CDH6: variants seen among roughly 807,000 people sequenced by gnomAD.
CDH6 encodes the protein cadherin-6.
In CDH6, 31 loss-of-function variants were observed where a neutral mutation model predicts 78.0. The ratio of observed to expected loss-of-function variants is 0.40; its 90% CI spans 0.30 to 0.54. The LOEUF (loss-of-function observed/expected upper bound fraction) is 0.54, where lower values mean the gene tolerates loss of function less well. CDH6 is among the 20% of genes least tolerant of loss of function. The probability of loss-of-function intolerance (pLI) is 0.56; values close to 1 mark genes in which losing one functional copy is unlikely to be tolerated. For synonymous variants in CDH6, 376 were observed against 368.8 expected (o/e 1.02, Z -0.23); for missense variants, 724 against 975.9 (o/e 0.74, Z 3.44).
At chr5:31,292,491 C>T (rs930755265) in intron 2 of CDH6, among the ~76,000 whole-genome samples, 3 of 152,004 alleles carry the variant, frequency 2.0e-5, no homozygotes, top group African/African-American at 4.8e-5. Context: ...AATGCTTCTC[C>T]GAGCATTTTG....
At chr5:31,225,672 A>T (rs1579830289) in intron 1 of CDH6, among the ~76,000 whole-genome samples, 1 of 152,166 alleles carries the variant, frequency 6.6e-6, no homozygotes, top group African/African-American at 2.4e-5. Context: ...GAGAACAGCA[A>T]GAGGGAAGTT....
chr5:31,251,913 T>TA (rs548745838), intron 1 of CDH6: 2 of 152,304 alleles, frequency 1.3e-5, no homozygotes, highest in East Asian at 3.9e-4. Flanking sequence ...CAGAAGTTTA[T>TA]AAAAAATTCC....
At chr5:31,316,408 G>A (rs1738325360) in intron 9 of CDH6, 79 bp downstream of exon 9, 1 of 1,266,758 alleles carries the variant, frequency 7.9e-7, no homozygotes, top group Non-Finnish European at 1.1e-6. Context: ...GATTCACAGA[G>A]CTGAAGGAGA....
At position 31,212,181 on chromosome 5, in the gene CDH6, T is replaced by C. The variant is rs561259204; in HGVS notation, c.-129+18295T>C. Among the ~76,000 whole-genome samples the C allele has an allele frequency of 2.0e-4, 31 of 152,324 alleles. No homozygotes were observed. The East Asian group carries it at 5.6e-3, about 27-fold the overall frequency. ...GACTTAATCAAGGTGTTGTGAGGAA[T>C]AACTCAGTTAATTGCTAATAGAACT... On this transcript the variant is annotated intron_variant, in intron 1 of 11. Transcript: ENST00000265071.
intron 1 of CDH6, among the ~76,000 whole-genome samples, chr5:31,224,229 G>A (rs764496995): frequency 3.3e-4 from 50 of 152,130 alleles, no homozygotes; most frequent in Non-Finnish European, 6.6e-4. Flanking sequence ...GAGTTTGTGC[G>A]GGGGAACTCC....
At chr5:31,303,835 C>T (rs553378754) in intron 6 of CDH6, among the ~76,000 whole-genome samples, 5 of 152,254 alleles carry the variant, frequency 3.3e-5, no homozygotes, top group Non-Finnish European at 7.3e-5. Context: ...GACACTCAGA[C>T]TAATGTTTTA....
intron 1 of CDH6, among the ~76,000 whole-genome samples, chr5:31,236,014 ATTC>A (rs1741444842): frequency 6.6e-6 from 1 of 152,166 alleles, no homozygotes; most frequent in South Asian, 2.1e-4. Context: ...CCAATAATTT[ATTC>A]TTTTTTCCAT....
At chr5:31,244,303 A>G (rs941529003) in intron 1 of CDH6, among the ~76,000 whole-genome samples, 1 of 152,210 alleles carries the variant, frequency 6.6e-6, no homozygotes, top group Non-Finnish European at 1.5e-5. Context: ...AATCAAGAAC[A>G]TAAAAGGTGG....
chr5:31,323,850 T>C lies in CDH6; in HGVS notation c.*542T>C. On this transcript the variant is annotated 3_prime_UTR_variant, in exon 12 of 12. Coordinates refer to ENST00000265071, the MANE Select transcript of CDH6 (RefSeq NM_004932.4). ...TTCAAGAACTTTCTCTGCCATCAAC[T>C]ACTATTCAAAACCTCAAATCCACCC... 1 of 230,498 alleles carries C rather than the reference T, an allele frequency of 4.3e-6. No individual in the cohort carries two copies. The highest frequency in any genetic ancestry group is 8.6e-6 in the Non-Finnish European group (1 of 116,410). 14.3% of individuals were successfully genotyped at this position (230,498 alleles called of 1,614,324 possible). A position where few individuals can be genotyped will look rare whatever the true frequency, so the allele number is the denominator to read the frequency against.
At chr5:31,244,410 T>C (rs1339013644) in intron 1 of CDH6, among the ~76,000 whole-genome samples, 2 of 152,206 alleles carry the variant, frequency 1.3e-5, no homozygotes, top group African/African-American at 4.8e-5. Flanking sequence ...GAGGAGCTGC[T>C]ACCTTCCCAT....
chr5:31,300,887 G>A (rs1737747549), intron 5 of CDH6, among the ~76,000 whole-genome samples: 1 of 152,238 alleles, frequency 6.6e-6, no homozygotes, highest in Non-Finnish European at 1.5e-5. Flanking sequence ...TTGGGAGGCT[G>A]AGGGAGGAAG....
Position 31,225,156 on chromosome 5 carries a change from G to A in CDH6, c.-129+31270G>A, listed in dbSNP as rs970090923. Among the ~76,000 whole-genome samples the A allele has an allele frequency of 1.3e-4, 20 of 152,316 alleles. No homozygotes were observed. The East Asian group carries it at 1.5e-3, about 12-fold the overall frequency. ...CTGAGGTTTTGAAACCCTGTTTTACGGAGTTGTCCAATGAATGATTTTCTG... is the reference window on the plus strand; with the variant it reads ...CTGAGGTTTTGAAACCCTGTTTTACAGAGTTGTCCAATGAATGATTTTCTG... On this transcript the variant is annotated intron_variant, in intron 1 of 11. Transcript: ENST00000265071.
intron 6 of CDH6, among the ~76,000 whole-genome samples, chr5:31,303,212 A>G (rs1009450528): frequency 1.3e-5 from 2 of 152,038 alleles, no homozygotes; most frequent in Admixed American, 1.3e-4. Context: ...GTGCACTGGT[A>G]CATACAACAG....
intron 1 of CDH6, among the ~76,000 whole-genome samples, chr5:31,248,529 A>C (rs1741820765): frequency 6.6e-6 from 1 of 152,176 alleles, no homozygotes; most frequent in Non-Finnish European, 1.5e-5. Flanking sequence ...TCTTTACTTT[A>C]AGGACTTGTT....
At chr5:31,278,530 C>A (rs1028716284) in intron 2 of CDH6, among the ~76,000 whole-genome samples, 1 of 152,074 alleles carries the variant, frequency 6.6e-6, no homozygotes, top group African/African-American at 2.4e-5. Flanking sequence ...GAGAAAAAGG[C>A]AAACAGATTT....
intron 2 of CDH6, among the ~76,000 whole-genome samples, chr5:31,269,937 T>C (rs1336915234): frequency 6.6e-6 from 1 of 152,186 alleles, no homozygotes; most frequent in Non-Finnish European, 1.5e-5. Context: ...CTCATGGCTG[T>C]ATCAGACACG....
At chr5:31,257,917 A>C (rs1017353905) in intron 1 of CDH6, among the ~76,000 whole-genome samples, 10 of 152,338 alleles carry the variant, frequency 6.6e-5, no homozygotes, top group African/African-American at 2.4e-4. Flanking sequence ...CCTCTAGGTT[A>C]GTTGGGTTTT....
Position 31,278,373 on chromosome 5 carries a change from A to C in CDH6, c.228+10672A>C, listed in dbSNP as rs75470205. Among the ~76,000 whole-genome samples, 143 of 152,308 alleles carry C rather than the reference A, an allele frequency of 9.4e-4. 4 individuals carry two copies. In the East Asian group the frequency reaches 0.024, roughly 26 times the overall value. On this transcript the variant is annotated intron_variant, in intron 2 of 11. Transcript: ENST00000265071. ...GCAAAACAAGGGAACTAAAGACAAC[A>C]TGGTGGTCCGTGCACAAACTAACAA...
At chr5:31,274,590 C>A (rs1485392905) in intron 2 of CDH6, among the ~76,000 whole-genome samples, 1 of 152,216 alleles carries the variant, frequency 6.6e-6, no homozygotes, top group East Asian at 1.9e-4. Context: ...GAGGCCGAGG[C>A]AGGCATATCA....
Sources: allele counts gnomAD v4.1 joint callset (sites outside exome capture counted in the v4.1 genomes callset), GRCh38; gene constraint gnomAD v4.1.1; transcripts MANE v1.5; gene names NCBI Gene and HGNC (gene_info 2026-07-23, HGNC 2026-07-21).